The following KRT86 variants were observed in gnomAD, a reference collection of about 807,000 sequenced individuals.
The protein encoded by KRT86 is keratin, type II cuticular Hb6.
A neutral mutation model predicts 41.2 loss-of-function variants in KRT86; 30 were observed. That is an observed-to-expected ratio of 0.73 (90% CI 0.54 to 0.99). The LOEUF is 0.99. KRT86 is among the 50% of genes least tolerant of loss of function. The pLI, the probability that KRT86 is intolerant of heterozygous loss-of-function variation, is 0.00. For missense variants in KRT86, 561 were observed against 571.4 expected, an observed-to-expected ratio of 0.98 and a Z score of 0.19; for synonymous variants, 238 against 238.1, an observed-to-expected ratio of 1.00 and a Z score of 0.00.
chr12:52,305,661 A>G lies in KRT86; in HGVS notation c.901-2A>G. On this transcript the variant is annotated splice_acceptor_variant, in intron 7 of 10. Transcript: ENST00000423955. LOFTEE classifies it high-confidence loss of function. ...CCTCATGAGCATCTCTACTTCCCCC[A>G]GTGTGAGGAGATGAAGGCCACGGTG... is the stretch of plus-strand genomic sequence containing the variant. 2.5e-6 allele frequency: 4 copies of G among 1,614,050 alleles called. No individual in the cohort carries two copies. Among genetic ancestry groups the G allele is most frequent in the Middle Eastern group, 1.7e-4 (1 of 6,058 alleles).
intron 2 of KRT86, among the ~76,000 whole-genome samples, chr12:52,284,621 T>G (rs148550251): frequency 6.6e-6 from 1 of 152,372 alleles, no homozygotes; most frequent in Non-Finnish European, 1.5e-5. Flanking sequence ...AGACCTTGGT[T>G]TGATTCTAGC....
At chr12:52,308,089 C>T (rs1007315959) in intron 9 of KRT86, 144 bp from the exon 10 acceptor site, 3 of 1,052,600 alleles carry the variant, frequency 2.9e-6, no homozygotes, top group Admixed American at 2.1e-5. Context: ...CCCGAGTCTA[C>T]ACTGGCTCCT....
intron 9 of KRT86, chr12:52,306,573 G>C (rs557105475): frequency 1.8e-6 from 1 of 545,160 alleles, no homozygotes. Flanking sequence ...AGCTTGCCTG[G>C]GTAGTGCTTC....
intron 2 of KRT86, chr12:52,286,504 C>T (rs901281883): frequency 4.3e-5 from 66 of 1,551,490 alleles, no homozygotes; most frequent in Middle Eastern, 1.8e-4. Flanking sequence ...CTGTGAACCC[C>T]GAAGGCTGAG....
chr12:52,307,734 G>A (rs1294199364), intron 9 of KRT86, among the ~76,000 whole-genome samples: 3 of 152,140 alleles, frequency 2.0e-5, no homozygotes, highest in African/African-American at 7.2e-5. Context: ...GTTTTTAGGT[G>A]GTGCAGGAAG....
chr12:52,297,460 A>C (rs1762387976), intron 2 of KRT86, among the ~76,000 whole-genome samples: 1 of 152,200 alleles, frequency 6.6e-6, no homozygotes. Context: ...CCCCATCTGG[A>C]AAATGTTGTC....
At chr12:52,292,621 G>A (rs1445148320) in intron 2 of KRT86, among the ~76,000 whole-genome samples, 2 of 152,214 alleles carry the variant, frequency 1.3e-5, no homozygotes, top group African/African-American at 2.4e-5. Context: ...CCTGTAAGTA[G>A]TGCCTACCTT....
At chr12:52,296,662 G>GT (rs1938257505) in intron 2 of KRT86, among the ~76,000 whole-genome samples, 1 of 107,950 alleles carries the variant, frequency 9.3e-6, no homozygotes, top group Non-Finnish European at 2.0e-5. Flanking sequence ...CTCTGACTTG[G>GT]GCTCTCCCCA....
intron 2 of KRT86, among the ~76,000 whole-genome samples, chr12:52,296,476 C>T (rs1040105288): frequency 6.6e-6 from 1 of 152,166 alleles, no homozygotes; most frequent in Non-Finnish European, 1.5e-5. Flanking sequence ...GAGGTGCAGG[C>T]ACCCAGCTGG....
At chr12:52,282,482 C>T (rs1031262562) in intron 2 of KRT86, among the ~76,000 whole-genome samples, 2 of 151,636 alleles carry the variant, frequency 1.3e-5, no homozygotes, top group East Asian at 2.0e-4. Context: ...GTGATCCGCC[C>T]GCCTCAGCCT....
chr12:52,300,425 G>A (rs547433482), intron 2 of KRT86, among the ~76,000 whole-genome samples: 1 of 152,280 alleles, frequency 6.6e-6, no homozygotes, highest in East Asian at 1.9e-4. Context: ...TTGTAATGAA[G>A]CCCATCTGCT....
chr12:52,288,109 C>A, intron 2 of KRT86: 1 of 1,614,108 alleles, frequency 6.2e-7, no homozygotes, highest in African/African-American at 1.3e-5. Flanking sequence ...TTGACAACCA[C>A]GGAGGTGTCT....
intron 3 of KRT86, among the ~76,000 whole-genome samples, chr12:52,302,724 C>T (rs1238635124): frequency 1.0e-5 from 1 of 98,644 alleles, no homozygotes; most frequent in Non-Finnish European, 2.1e-5. Flanking sequence ...TGGCACCATC[C>T]CCAGAAACCT....
intron 2 of KRT86, among the ~76,000 whole-genome samples, chr12:52,295,459 G>A (rs1455412729): frequency 6.6e-6 from 1 of 152,144 alleles, no homozygotes; most frequent in Non-Finnish European, 1.5e-5. Flanking sequence ...TACACCATCG[G>A]CCATCAGTAA....
At chr12:52,288,579 T>C in intron 2 of KRT86, 2 of 1,159,192 alleles carry the variant, frequency 1.7e-6, no homozygotes, top group South Asian at 1.2e-5. Flanking sequence ...TTCCCATGCC[T>C]TTCCTCCCCT....
intron 2 of KRT86, among the ~76,000 whole-genome samples, chr12:52,300,240 T>G (rs1203908695): frequency 6.6e-6 from 1 of 152,232 alleles, no homozygotes; most frequent in South Asian, 2.1e-4. Context: ...AAAAAGGGCA[T>G]GTAACAAGTT....
intron 2 of KRT86, among the ~76,000 whole-genome samples, chr12:52,284,137 G>T (rs1008706029): frequency 9.8e-5 from 15 of 152,290 alleles, no homozygotes; most frequent in South Asian, 2.1e-4. Context: ...TGGAGCTGGT[G>T]CTTGAGTCTC....
chr12:52,281,878 ACAGG>A (rs1937779142), intron 2 of KRT86, among the ~76,000 whole-genome samples: 2 of 152,124 alleles, frequency 1.3e-5, no homozygotes, highest in Admixed American at 1.3e-4. Flanking sequence ...AGCTGGGACT[ACAGG>A]CACATGCCTC....
chr12:52,307,919 G>A (rs1260667058), intron 9 of KRT86, among the ~76,000 whole-genome samples: 2 of 152,362 alleles, frequency 1.3e-5, no homozygotes, highest in East Asian at 3.9e-4. Context: ...CTAAGCACTG[G>A]ACGCTTCTTA....
Sources: allele counts gnomAD v4.1 joint callset (sites outside exome capture counted in the v4.1 genomes callset), GRCh38; gene constraint gnomAD v4.1.1; transcripts MANE v1.5; gene names NCBI Gene and HGNC (gene_info 2026-07-23, HGNC 2026-07-21).